CCDC152: variants seen among roughly 807,000 people sequenced by gnomAD.
The protein encoded by CCDC152 is coiled-coil domain-containing protein 152.
Under a neutral mutation model 38.1 loss-of-function variants are expected in CCDC152, and 37 were observed. The observed-to-expected ratio is 0.97, with a 90% confidence interval of 0.75 to 1.28. CCDC152 has a LOEUF of 1.28. Ranked by LOEUF, CCDC152 falls within the 50% of genes most tolerant of loss-of-function variation. CCDC152 has a pLI of 0.00. For synonymous variants in CCDC152, 83 were observed against 87.1 expected, an observed-to-expected ratio of 0.95 and a Z score of 0.26; for missense variants, 259 against 292.1, an observed-to-expected ratio of 0.89 and a Z score of 0.83.
chr5:42,761,852 A>G (rs1425169646), intron 2 of CCDC152, among the ~76,000 whole-genome samples: 1 of 152,192 alleles, frequency 6.6e-6, no homozygotes, highest in Non-Finnish European at 1.5e-5. Context: ...TTTACTTTTC[A>G]TTTATAACTG....
intron 6 of CCDC152, among the ~76,000 whole-genome samples, chr5:42,787,598 G>A (rs1759939522): frequency 6.6e-6 from 1 of 152,012 alleles, no homozygotes; most frequent in Non-Finnish European, 1.5e-5. Flanking sequence ...TAAATCACTT[G>A]TTAAGTCTTT....
intron 4 of CCDC152, among the ~76,000 whole-genome samples, chr5:42,776,073 AT>A (rs1759765251): frequency 6.6e-6 from 1 of 152,140 alleles, no homozygotes; most frequent in Admixed American, 6.5e-5. Flanking sequence ...AGAGTAACAA[AT>A]ACGGTAGATA....
At chr5:42,773,534 T>TA (rs1219030941) in intron 4 of CCDC152, among the ~76,000 whole-genome samples, 1 of 152,216 alleles carries the variant, frequency 6.6e-6, no homozygotes, top group African/African-American at 2.4e-5. Context: ...TATGGCCATG[T>TA]AGTACAGTTT....
rs557535607 is a variant in CCDC152, at chr5:42,785,609, G to C, written c.430+2033G>C. On this transcript the variant is annotated intron_variant, in intron 6 of 8. Transcript: ENST00000361970. ...GACTTCCCCTTTTCCAATTTGAATG[G>C]CTACTATTTATTTCTCTTTCCTGAT... Among the ~76,000 whole-genome samples, 13 of 152,030 alleles carry C rather than the reference G, an allele frequency of 8.6e-5. No individual in the cohort carries two copies. In the South Asian group the frequency reaches 1.7e-3, roughly 19 times the overall value.
chr5:42,791,212 C>G lies in CCDC152; in HGVS notation c.431-5617C>G, dbSNP rs1260119461. ...TTTTTAAATTGTAGTACCTGTTAAG[C>G]AGAATTGGCTATCCATCTATTAACT... On this transcript the variant is annotated intron_variant, in intron 6 of 8. Coordinates refer to ENST00000361970, the MANE Select transcript of CCDC152 (RefSeq NM_001134848.2). Among the ~76,000 whole-genome samples, 3 of 152,172 alleles carry G rather than the reference C, an allele frequency of 2.0e-5. No individual in the cohort carries two copies. In the East Asian group the frequency reaches 5.8e-4, roughly 29 times the overall value.
At chr5:42,762,190 A>G (rs1418382643) in intron 2 of CCDC152, among the ~76,000 whole-genome samples, 1 of 152,198 alleles carries the variant, frequency 6.6e-6, no homozygotes, top group African/African-American at 2.4e-5. Flanking sequence ...AGGTACAGTA[A>G]AAATATGGTA....
At chr5:42,794,700 G>C (rs563139680) in intron 6 of CCDC152, among the ~76,000 whole-genome samples, 35 of 152,230 alleles carry the variant, frequency 2.3e-4, no homozygotes, top group African/African-American at 8.2e-4. Context: ...ATAGACAAGG[G>C]AATTCTGGAA....
chr5:42,783,475 A>G lies in CCDC152; in HGVS notation c.329A>G (p.Glu110Gly). The G allele has an allele frequency of 3.3e-6, 4 of 1,214,056 alleles. No homozygotes were observed. The highest frequency in any genetic ancestry group is 4.3e-6 in the Non-Finnish European group (4 of 940,112). 75.2% of individuals were successfully genotyped at this position (1,214,056 alleles called of 1,614,324 possible). ...IKEKLKSHEQ[E>G]YKNNIAKLVS... is the part of the protein sequence containing the mutation. ...ATTAATATATATTTTAATCTTTAGG[A>G]ATATAAGAATAATATTGCCAAACTT... The change falls in exon 6 of 9, where the codon GAA (glutamate) becomes GGA (glycine). Residue 110 changes from glutamate (E) to glycine (G), a missense_variant and splice_region_variant. Transcript: ENST00000361970.
At position 42,782,006 on chromosome 5, in the gene CCDC152, A is replaced by G. The variant is rs146601521; in HGVS notation, c.328-1468A>G. The stretch of plus-strand genomic sequence containing the variant: ...TAACTGTCTTCCATCACCACTCTCA[A>G]TGCTCCTCTCCCTGTTCTTAGCATA... On this transcript the variant is annotated intron_variant, in intron 5 of 8. Coordinates refer to ENST00000361970, the MANE Select transcript of CCDC152 (RefSeq NM_001134848.2). 4.2e-3 allele frequency among the ~76,000 whole-genome samples: 633 copies of G among 152,152 alleles called. 7 individuals are homozygous for G. The highest frequency in any genetic ancestry group is 0.013 in the African/African-American group (553 of 41,510).
intron 6 of CCDC152, among the ~76,000 whole-genome samples, chr5:42,791,697 T>G (rs1459835699): frequency 6.6e-6 from 1 of 152,190 alleles, no homozygotes; most frequent in African/African-American, 2.4e-5. Context: ...CTTTAGAGGT[T>G]TAAGGCCACT....
intron 1 of CCDC152, 76 bp from the exon 2 acceptor site, chr5:42,759,044 T>C: frequency 9.9e-7 from 1 of 1,014,120 alleles, no homozygotes; most frequent in Non-Finnish European, 1.4e-6. Context: ...ATGTTAGTAT[T>C]TGAGCTATGA....
intron 2 of CCDC152, 56 bp downstream of exon 2, chr5:42,759,264 C>A: frequency 2.7e-6 from 3 of 1,103,222 alleles, no homozygotes; most frequent in Non-Finnish European, 3.9e-6. Context: ...ACAGATTTTG[C>A]CAAGGGAAGA....
chr5:42,772,649 C>CAAA (rs71608661), intron 4 of CCDC152, among the ~76,000 whole-genome samples: 55,933 of 127,670 alleles, frequency 0.44, 11,504 homozygotes, highest in East Asian at 0.56. Context: ...GACTCCGTCT[C>CAAA]AAAAAAAAAA....
chr5:42,762,539 A>G lies in CCDC152; in HGVS notation c.184A>G (p.Ile62Val). 1.3e-6 allele frequency: 2 copies of G among 1,507,798 alleles called. No homozygotes were observed. The highest frequency in any genetic ancestry group is 1.8e-6 in the Non-Finnish European group (2 of 1,108,824). The allele number at this position is 1,507,798 out of a possible 1,614,324, so 93.4% of individuals were successfully genotyped here. Residue 62 changes from isoleucine to valine, a missense_variant, in exon 3 of 9, where the codon ATT becomes GTT. Transcript: ENST00000361970. Reference protein sequence around the residue: ...LKVMQAKEVSIKEECATLHNI... With the variant: ...LKVMQAKEVSVKEECATLHNI... ...AGTAATGCAAGCAAAGGAGGTCTCC[A>G]TTAAAGAAGGTTAGTTATTTGCTGC...
Position 42,799,857 on chromosome 5 carries a change from T to C in CCDC152, c.*76T>C. The C allele has an allele frequency of 2.1e-6, 3 of 1,428,746 alleles. No homozygotes were observed. In the South Asian group the frequency reaches 3.9e-5, roughly 18 times the overall value. 88.5% of individuals were successfully genotyped at this position (1,428,746 alleles called of 1,614,324 possible). On this transcript the variant is annotated 3_prime_UTR_variant, in exon 9 of 9. Transcript: ENST00000361970. ...TTCACTTCTGTTTTCAATATATGCA[T>C]ACAGCCTACATAACAAACGAAGTCA...
intron 1 of CCDC152, among the ~76,000 whole-genome samples, chr5:42,757,398 A>C (rs1221395675): frequency 6.6e-6 from 1 of 152,076 alleles, no homozygotes; most frequent in Non-Finnish European, 1.5e-5. Context: ...AGACAGGAGG[A>C]CCCAAAAGGA....
chr5:42,769,438 A>C (rs549467657), intron 3 of CCDC152, among the ~76,000 whole-genome samples, 159 bp from the exon 4 acceptor site: 3 of 152,004 alleles, frequency 2.0e-5, no homozygotes, highest in African/African-American at 7.2e-5. Context: ...CTTGGGTTCA[A>C]GTGATCCTCC....
In CCDC152 at chr5:42,799,781, A is replaced by G. The variant is rs1242624077; in HGVS notation, c.765A>G (p.Ter255TrpextTer2). 2.6e-6 allele frequency: 4 copies of G among 1,547,202 alleles called. No individual in the cohort carries two copies. The highest frequency in any genetic ancestry group is 3.5e-6 in the Non-Finnish European group (4 of 1,145,994). The part of the protein sequence containing the change: ...KDSHLKRRRF[*>W] ...CTCACCTTAAGCGTAGACGGTTTTGAGCTTAGCAGTAAATTCATTAGTTGG... is the reference window on the plus strand; with the variant it reads ...CTCACCTTAAGCGTAGACGGTTTTGGGCTTAGCAGTAAATTCATTAGTTGG... Residue 255 changes from the stop codon to tryptophan (W), a stop_lost, in exon 9 of 9, where the codon TGA becomes TGG. Coordinates refer to ENST00000361970, the MANE Select transcript of CCDC152 (RefSeq NM_001134848.2).
chr5:42,797,024 T>C, intron 7 of CCDC152, 68 bp downstream of exon 7: 1 of 1,179,412 alleles, frequency 8.5e-7, no homozygotes, highest in East Asian at 3.0e-5. Context: ...TTGATTGTTT[T>C]TCATCACAGT....
Sources: allele counts gnomAD v4.1 joint callset (sites outside exome capture counted in the v4.1 genomes callset), GRCh38; gene constraint gnomAD v4.1.1; transcripts MANE v1.5; gene names NCBI Gene and HGNC (gene_info 2026-07-23, HGNC 2026-07-21).